Variants in AMOTL1 observed in about 807,000 individuals in gnomAD.
AMOTL1 encodes angiomotin like 1.
Under a neutral mutation model 102.9 loss-of-function variants are expected in AMOTL1, and 45 were observed. That is an observed-to-expected ratio of 0.44 (90% CI 0.34 to 0.56). AMOTL1 has a LOEUF of 0.56. Ranked by LOEUF, AMOTL1 falls within the 20% of genes least tolerant of loss-of-function variation. The probability of loss-of-function intolerance (pLI) is 0.01; values close to 1 mark genes in which losing one functional copy is unlikely to be tolerated. For missense variants in AMOTL1, 1,114 were observed against 1,225.6 expected (o/e 0.91, Z 1.36); for synonymous variants, 481 against 484.7 (o/e 0.99, Z 0.10).
At chr11:94,712,445 T>C (rs4351780) in intron 1 of AMOTL1, among the ~76,000 whole-genome samples, 70,864 of 151,798 alleles carry the variant, frequency 0.47, 18,542 homozygotes, top group Non-Finnish European at 0.58. Flanking sequence ...TTTAGCTAAG[T>C]CTCCAAAAGC....
chr11:94,769,051 G>C (rs2135512267), intron 1 of AMOTL1, among the ~76,000 whole-genome samples: 1 of 152,230 alleles, frequency 6.6e-6, no homozygotes, highest in Non-Finnish European at 1.5e-5. Context: ...GCCAGACCCG[G>C]CTCTGGCGGG....
intron 1 of AMOTL1, among the ~76,000 whole-genome samples, chr11:94,779,268 G>T (rs1015815201): frequency 6.6e-6 from 1 of 152,114 alleles, no homozygotes; most frequent in Non-Finnish European, 1.5e-5. Flanking sequence ...AATATTTTTG[G>T]TGGTGGTTTT....
At chr11:94,720,317 T>C (rs2135442368) in intron 1 of AMOTL1, among the ~76,000 whole-genome samples, 1 of 152,096 alleles carries the variant, frequency 6.6e-6, no homozygotes, top group Admixed American at 6.5e-5. Context: ...CCATGAGAGG[T>C]ACAGGAATCG....
intron 6 of AMOTL1, among the ~76,000 whole-genome samples, chr11:94,843,381 G>A (rs1952345181): frequency 6.6e-6 from 1 of 152,096 alleles, no homozygotes; most frequent in African/African-American, 2.4e-5. Context: ...GAGGATGTGG[G>A]GGCAGATGTT....
Position 94,821,778 on chromosome 11 carries a change from A to T in AMOTL1, c.1370A>T (p.Gln457Leu). 1 of 1,614,060 alleles carries T rather than the reference A, an allele frequency of 6.2e-7. No homozygotes were observed. The highest frequency in any genetic ancestry group is 8.5e-7 in the Non-Finnish European group (1 of 1,179,900). The change falls in exon 4 of 13, where the codon CAG becomes CTG. Residue 457 changes from glutamine to leucine, a missense_variant. By Grantham distance (113) the Gln-to-Leu change is moderately radical (BLOSUM62 -2). Transcript: ENST00000433060. ...ILTEENRVLHQELQGYYDNAD... is the reference protein window; with the variant it reads ...ILTEENRVLHLELQGYYDNAD... ...ACAGAGGAGAACCGGGTGCTTCACCAGGAACTTCAGGGTTACTACGACAAT... is the reference window on the plus strand; with the variant it reads ...ACAGAGGAGAACCGGGTGCTTCACCTGGAACTTCAGGGTTACTACGACAAT...
In AMOTL1 at chr11:94,872,527, T is replaced by C. The variant is rs907612211; in HGVS notation, c.*1732T>C. The C allele has an allele frequency of 1.3e-5, 2 of 152,304 alleles. No homozygotes were observed. The highest frequency in any genetic ancestry group is 4.8e-5 in the African/African-American group (2 of 41,384). 9.4% of individuals were successfully genotyped at this position (152,304 alleles called of 1,614,324 possible). The stretch of plus-strand genomic sequence containing the variant: ...CGGTGAAGTTATAGCCTCCCCAAAT[T>C]GAGGTGACAGAAGGAAGACAAGAGG... On this transcript the variant is annotated 3_prime_UTR_variant, in exon 13 of 13. Coordinates refer to ENST00000433060, the MANE Select transcript of AMOTL1 (RefSeq NM_130847.3).
At chr11:94,707,568 A>G (rs921972482) in intron 1 of AMOTL1, among the ~76,000 whole-genome samples, 2 of 152,154 alleles carry the variant, frequency 1.3e-5, no homozygotes, top group African/African-American at 4.8e-5. Flanking sequence ...TATAACCTAT[A>G]CAGGGAGCAA....
chr11:94,867,096 G>T (rs116720842), intron 11 of AMOTL1, among the ~76,000 whole-genome samples: 1,801 of 152,226 alleles, frequency 0.012, 36 homozygotes, highest in African/African-American at 0.04. Flanking sequence ...AGAGCCAGTG[G>T]TCCTCAGCAT....
At chr11:94,817,475 T>C (rs1490666514) in intron 3 of AMOTL1, among the ~76,000 whole-genome samples, 2 of 152,178 alleles carry the variant, frequency 1.3e-5, no homozygotes, top group Admixed American at 6.6e-5. Flanking sequence ...GGTTTATCCT[T>C]CTTTGGATTA....
intron 1 of AMOTL1, among the ~76,000 whole-genome samples, chr11:94,717,406 G>A (rs1950113789): frequency 6.7e-6 from 1 of 149,724 alleles, no homozygotes; most frequent in Admixed American, 6.7e-5. Flanking sequence ...TAAAGTATGG[G>A]TACAAAACTG....
At chr11:94,768,788 T>C (rs1950896424) in intron 1 of AMOTL1, among the ~76,000 whole-genome samples, 1 of 151,920 alleles carries the variant, frequency 6.6e-6, no homozygotes, top group Non-Finnish European at 1.5e-5. Flanking sequence ...GCGACCCACG[T>C]TGACTGAAGT....
In AMOTL1 at chr11:94,777,575, T is replaced by A. The variant is rs535915882; in HGVS notation, c.49+9015T>A. ...ATTTTAATGACATTTATTAAGTGAC[T>A]AAAATAACTTTATTAGTTTAGGAAC... On this transcript the variant is annotated intron_variant, in intron 1 of 12. Coordinates refer to ENST00000433060, the MANE Select transcript of AMOTL1 (RefSeq NM_130847.3). Among the ~76,000 whole-genome samples the A allele has an allele frequency of 2.0e-5, 3 of 152,332 alleles. No individual in the cohort carries two copies. The South Asian group carries it at 6.2e-4, about 32-fold the overall frequency.
At chr11:94,759,845 C>T (rs1049348465) in intron 3 of AMOTL1, among the ~76,000 whole-genome samples, 1 of 152,202 alleles carries the variant, frequency 6.6e-6, no homozygotes, top group African/African-American at 2.4e-5. Context: ...TATCATGTGC[C>T]TGTTTCCTTA....
At chr11:94,870,608 C>A (rs566145622) in intron 12 of AMOTL1, 81 bp from the exon 13 acceptor site, 1 of 1,056,718 alleles carries the variant, frequency 9.5e-7, no homozygotes, top group Non-Finnish European at 1.4e-6. Flanking sequence ...TGGTATCGGA[C>A]GTGGGTCCAT....
At chr11:94,840,120 G>C (rs193040291) in intron 6 of AMOTL1, among the ~76,000 whole-genome samples, 167 of 152,276 alleles carry the variant, frequency 1.1e-3, no homozygotes, top group Non-Finnish European at 2.0e-3. Context: ...GAAAGAGAAA[G>C]CTTTCTCAAA....
intron 1 of AMOTL1, among the ~76,000 whole-genome samples, chr11:94,792,687 TGAA>T (rs1352820624): frequency 4.6e-5 from 7 of 152,182 alleles, no homozygotes; most frequent in Admixed American, 2.6e-4. Context: ...TGGGTGTGTG[TGAA>T]GAAGTCCTAA....
At chr11:94,725,274 T>G (rs762067980) in intron 1 of AMOTL1, among the ~76,000 whole-genome samples, 1 of 151,994 alleles carries the variant, frequency 6.6e-6, no homozygotes, top group Non-Finnish European at 1.5e-5. Flanking sequence ...TTAGACTGGA[T>G]GAGGAGGCCA....
At chr11:94,814,621 C>T (rs1215808974) in intron 3 of AMOTL1, among the ~76,000 whole-genome samples, 2 of 152,034 alleles carry the variant, frequency 1.3e-5, no homozygotes, top group Non-Finnish European at 2.9e-5. Flanking sequence ...TTGATGGGCC[C>T]CTATTACGAT....
intron 1 of AMOTL1, among the ~76,000 whole-genome samples, chr11:94,716,136 A>G (rs938708301): frequency 3.9e-5 from 6 of 152,132 alleles, no homozygotes; most frequent in African/African-American, 1.4e-4. Flanking sequence ...CTCTACTACT[A>G]AGCTCATCTG....
Sources: allele counts gnomAD v4.1 joint callset (sites outside exome capture counted in the v4.1 genomes callset), GRCh38; gene constraint gnomAD v4.1.1; transcripts MANE v1.5; gene names NCBI Gene and HGNC (gene_info 2026-07-23, HGNC 2026-07-21).